Variants in CC2D2B observed in about 807,000 individuals in gnomAD.
CC2D2B encodes the protein protein CC2D2B.
A neutral mutation model predicts 161.2 loss-of-function variants in CC2D2B; 128 were observed. The ratio of observed to expected loss-of-function variants is 0.79; its 90% confidence interval spans 0.69 to 0.92. The LOEUF (loss-of-function observed/expected upper bound fraction) is 0.92, where lower values mean the gene tolerates loss of function less well. CC2D2B is among the 40% of genes least tolerant of loss of function. The probability of loss-of-function intolerance (pLI) is 0.00; values close to 1 mark genes in which losing one functional copy is unlikely to be tolerated. For synonymous variants in CC2D2B, 391 were observed against 449.8 expected (o/e 0.87, Z 1.65); for missense variants, 1,173 against 1,375.1 (o/e 0.85, Z 2.32).
Position 96,024,917 on chromosome 10 carries a change from G to A in CC2D2B, c.3947+6G>A, listed in dbSNP as rs1474264927. The A allele has an allele frequency of 6.6e-7, 1 of 1,509,974 alleles. No individual in the cohort carries two copies. Among genetic ancestry groups the A allele is most frequent in the Admixed American group, 2.0e-5 (1 of 50,548 alleles). The allele number at this position is 1,509,974 out of a possible 1,614,324, so 93.5% of individuals were successfully genotyped here. On this transcript the variant is annotated splice_donor_region_variant and intron_variant, in intron 33 of 34. Coordinates refer to ENST00000646931, the MANE Select transcript of CC2D2B (RefSeq NM_001349008.3). Reference sequence around the variant, plus strand: ...GTAGAAGATCTAAGGAATAGGTACTGTGTTTTCCCCTAATCTCTTGTTGGG... The same window carrying A: ...GTAGAAGATCTAAGGAATAGGTACTATGTTTTCCCCTAATCTCTTGTTGGG...
chr10:95,998,740 C>T (rs1590815556), intron 24 of CC2D2B, among the ~76,000 whole-genome samples: 2 of 152,226 alleles, frequency 1.3e-5, no homozygotes, highest in South Asian at 4.1e-4. Context: ...TTAAGGCCTT[C>T]AACTGATTGG....
At chr10:95,994,901 T>C (rs1378198323) in intron 22 of CC2D2B, among the ~76,000 whole-genome samples, 1 of 152,250 alleles carries the variant, frequency 6.6e-6, no homozygotes, top group South Asian at 2.1e-4. Context: ...CTTATTACAC[T>C]GCAACAGTTT....
chr10:95,960,940 T>C (rs904805462), intron 11 of CC2D2B, among the ~76,000 whole-genome samples: 2 of 152,198 alleles, frequency 1.3e-5, no homozygotes. Context: ...TCTTGAGATT[T>C]TGGCATCCTT....
chr10:95,964,721 T>C lies in CC2D2B; in HGVS notation c.1251-1175T>C, dbSNP rs1057461813. 5.9e-5 allele frequency among the ~76,000 whole-genome samples: 9 copies of C among 152,124 alleles called. No homozygotes were observed. The East Asian group carries it at 1.7e-3, about 29-fold the overall frequency. Reference sequence around the variant, plus strand: ...CCAAGATACTACCATATAGATAATATCTGCACTTAGTCCCCTATATTCTAT... The same window carrying C: ...CCAAGATACTACCATATAGATAATACCTGCACTTAGTCCCCTATATTCTAT... On this transcript the variant is annotated intron_variant, in intron 12 of 34. Coordinates refer to ENST00000646931, the MANE Select transcript of CC2D2B (RefSeq NM_001349008.3).
At position 95,983,771 on chromosome 10, in the gene CC2D2B, C is replaced by T; in HGVS notation, c.2248C>T (p.Pro750Ser). The T allele has an allele frequency of 1.6e-6, 2 of 1,230,426 alleles. No individual in the cohort carries two copies. The highest frequency in any genetic ancestry group is 2.0e-6 in the Non-Finnish European group (2 of 986,544). 76.2% of individuals were successfully genotyped at this position (1,230,426 alleles called of 1,614,324 possible). The change falls in exon 19 of 35, where the codon CCC becomes TCC. Residue 750 changes from proline to serine, a missense_variant. Physicochemically the swap from Pro to Ser is moderately conservative, Grantham distance 74. Coordinates refer to ENST00000646931, the MANE Select transcript of CC2D2B (RefSeq NM_001349008.3). ...AGATAATTTCCTTCTACAGCAAATG[C>T]CCCTCCATGATACAGAGATTCCAGA... ...QLDNFLLQQM[P>S]LHDTEIPDLV...
At chr10:95,945,987 G>A (rs1016468552) in intron 9 of CC2D2B, among the ~76,000 whole-genome samples, 1 of 151,986 alleles carries the variant, frequency 6.6e-6, no homozygotes, top group East Asian at 1.9e-4. Context: ...GTTTTGCCAT[G>A]TTGGCCAGGC....
chr10:96,017,382 T>G (rs2079250472), intron 30 of CC2D2B, among the ~76,000 whole-genome samples: 1 of 152,200 alleles, frequency 6.6e-6, no homozygotes, highest in Non-Finnish European at 1.5e-5. Flanking sequence ...CCTGCCGTAG[T>G]TGTAAGTGCC....
intron 20 of CC2D2B, among the ~76,000 whole-genome samples, chr10:95,990,056 G>A (rs1262665401): frequency 1.3e-5 from 2 of 152,100 alleles, no homozygotes; most frequent in Non-Finnish European, 2.9e-5. Context: ...TTACTGAAAC[G>A]TTTTCTCTAA....
intron 2 of CC2D2B, among the ~76,000 whole-genome samples, chr10:95,914,607 A>T (rs2098512584): frequency 1.3e-5 from 2 of 152,172 alleles, no homozygotes; most frequent in South Asian, 4.1e-4. Context: ...AGTGAGTCTC[A>T]CAAGATCTGA....
intron 16 of CC2D2B, among the ~76,000 whole-genome samples, chr10:95,973,078 G>C (rs1484891005): frequency 6.6e-6 from 1 of 151,862 alleles, no homozygotes; most frequent in Non-Finnish European, 1.5e-5. Flanking sequence ...ACCTTCCTAG[G>C]GGTTTGGAAA....
chr10:96,032,890 TTTTC>T lies in CC2D2B; in HGVS notation c.*889_*892del, dbSNP rs1347762545. On this transcript the variant is annotated 3_prime_UTR_variant, in exon 35 of 35. Coordinates refer to ENST00000646931, the MANE Select transcript of CC2D2B (RefSeq NM_001349008.3). ...CTCTGCCTCTGGCACTTTTTGCTGC[TTTTC>T]TTTCTTAGTAGTGGCTTATCTAGAT... is the stretch of plus-strand genomic sequence containing the variant. The T allele has an allele frequency of 7.1e-6, 3 of 421,080 alleles. No individual in the cohort carries two copies. The highest frequency in any genetic ancestry group is 2.1e-5 in the African/African-American group (1 of 48,180). The allele number at this position is 421,080 out of a possible 1,614,324, so 26.1% of individuals were successfully genotyped here. A position where few individuals can be genotyped will look rare whatever the true frequency, so the allele number is the denominator to read the frequency against.
chr10:95,964,882 G>A (rs1013267982), intron 12 of CC2D2B, among the ~76,000 whole-genome samples: 3 of 152,046 alleles, frequency 2.0e-5, no homozygotes, highest in Non-Finnish European at 4.4e-5. Context: ...AACAATCACC[G>A]CAATTTAATC....
chr10:96,019,098 C>T, intron 30 of CC2D2B, 105 bp from the exon 31 acceptor site: 1 of 946,506 alleles, frequency 1.1e-6, no homozygotes, highest in Non-Finnish European at 1.5e-6. Flanking sequence ...TAAGCCACCA[C>T]ACTCCACTAA....
intron 11 of CC2D2B, among the ~76,000 whole-genome samples, chr10:95,955,936 G>A (rs940590198): frequency 6.6e-5 from 10 of 152,130 alleles, no homozygotes; most frequent in African/African-American, 2.2e-4. Context: ...ACTGGAAAGC[G>A]AAGTTATGAA....
At chr10:96,027,480 CT>C in intron 34 of CC2D2B, 91 bp downstream of exon 34, 2 of 884,590 alleles carry the variant, frequency 2.3e-6, no homozygotes, top group Admixed American at 3.1e-5. Context: ...TCTGAAAGGC[CT>C]TTTATCTTGA....
chr10:95,982,647 A>G lies in CC2D2B; in HGVS notation c.2082+534A>G, dbSNP rs116097188. Among the ~76,000 whole-genome samples the G allele has an allele frequency of 5.4e-3, 822 of 152,296 alleles. 3 individuals carry two copies. Among genetic ancestry groups the G allele is most frequent in the African/African-American group, 0.019 (789 of 41,544 alleles). ...TAATAAATGCTTCCCTGGTAACCTC[A>G]GTTAGGCACCACATTTTCTTTCCTT... On this transcript the variant is annotated intron_variant, in intron 18 of 34. Coordinates refer to ENST00000646931, the MANE Select transcript of CC2D2B (RefSeq NM_001349008.3).
At chr10:95,918,308 G>A (rs1239790859) in intron 2 of CC2D2B, among the ~76,000 whole-genome samples, 1 of 152,124 alleles carries the variant, frequency 6.6e-6, no homozygotes, top group African/African-American at 2.4e-5. Context: ...ATTTGGTGTT[G>A]ACAAAATCCC....
At chr10:95,930,975 T>C (rs2098549056) in intron 6 of CC2D2B, among the ~76,000 whole-genome samples, 1 of 152,234 alleles carries the variant, frequency 6.6e-6, no homozygotes, top group Non-Finnish European at 1.5e-5. Flanking sequence ...AGCTCCTCTT[T>C]GTATCTCTGG....
intron 26 of CC2D2B, among the ~76,000 whole-genome samples, chr10:96,011,220 CA>C (rs1380227791): frequency 6.6e-6 from 1 of 152,182 alleles, no homozygotes; most frequent in Non-Finnish European, 1.5e-5. Context: ...CAAAGACTGG[CA>C]ATAGGAATAC....
Sources: allele counts gnomAD v4.1 joint callset (sites outside exome capture counted in the v4.1 genomes callset), GRCh38; gene constraint gnomAD v4.1.1; transcripts MANE v1.5; gene names NCBI Gene and HGNC (gene_info 2026-07-23, HGNC 2026-07-21).